The following C1GALT1 variants were observed in gnomAD, a reference collection of about 807,000 sequenced individuals.
The protein encoded by C1GALT1 is core 1 synthase, glycoprotein-N-acetylgalactosamine 3-beta-galactosyltransferase 1.
Under a neutral mutation model 31.0 loss-of-function variants are expected in C1GALT1, and 11 were observed. That is an observed-to-expected ratio of 0.36 (90% CI 0.22 to 0.59). C1GALT1 has a LOEUF of 0.59. Ranked by LOEUF, C1GALT1 falls within the 20% of genes least tolerant of loss-of-function variation. C1GALT1 has a pLI of 0.79. For synonymous variants in C1GALT1, 175 were observed against 143.6 expected (o/e 1.22, Z -1.56); for missense variants, 424 against 425.2 (o/e 1.00, Z 0.03).
chr7:7,228,366 A>G (rs1305524089), intron 1 of C1GALT1, among the ~76,000 whole-genome samples: 1 of 152,166 alleles, frequency 6.6e-6, no homozygotes, highest in African/African-American at 2.4e-5. Context: ...TGTACTTTTA[A>G]AATATCCTCA....
At chr7:7,195,645 G>T (rs1781252504) in intron 1 of C1GALT1, among the ~76,000 whole-genome samples, 1 of 142,786 alleles carries the variant, frequency 7.0e-6, no homozygotes, top group African/African-American at 2.8e-5. Flanking sequence ...TGTATATTCT[G>T]TAGTTGTTGG....
intron 2 of C1GALT1, among the ~76,000 whole-genome samples, chr7:7,164,769 AGTT>A (rs1252137940): frequency 6.6e-6 from 1 of 152,224 alleles, no homozygotes; most frequent in East Asian, 1.9e-4. Flanking sequence ...CATGGCTTTA[AGTT>A]GTTTGCACCT....
intron 2 of C1GALT1, among the ~76,000 whole-genome samples, chr7:7,168,519 A>G (rs1780421120): frequency 6.6e-6 from 1 of 152,190 alleles, no homozygotes; most frequent in African/African-American, 2.4e-5. Flanking sequence ...CAACAAACCT[A>G]ATAGGTATAG....
intron 1 of C1GALT1, among the ~76,000 whole-genome samples, chr7:7,205,134 A>T (rs1781683054): frequency 6.6e-6 from 1 of 152,068 alleles, no homozygotes; most frequent in Admixed American, 6.6e-5. Context: ...CTGTTATCAT[A>T]GAACTATTTC....
intron 1 of C1GALT1, among the ~76,000 whole-genome samples, chr7:7,184,427 A>T (rs995686727): frequency 1.2e-4 from 18 of 152,190 alleles, no homozygotes; most frequent in African/African-American, 4.3e-4. Flanking sequence ...TTTCATAATT[A>T]TGCTTTTTAA....
intron 1 of C1GALT1, among the ~76,000 whole-genome samples, chr7:7,232,166 C>T (rs998760987): frequency 3.3e-5 from 5 of 152,216 alleles, no homozygotes; most frequent in African/African-American, 1.2e-4. Context: ...TTTGGCCCTA[C>T]TAATTCTCAC....
chr7:7,206,973 CT>C (rs1781766440), intron 1 of C1GALT1, among the ~76,000 whole-genome samples: 1 of 151,992 alleles, frequency 6.6e-6, no homozygotes, highest in Non-Finnish European at 1.5e-5. Flanking sequence ...TCTTTTTCAG[CT>C]TCTTAGATGT....
intron 1 of C1GALT1, among the ~76,000 whole-genome samples, chr7:7,233,450 C>G (rs1289976784): frequency 6.6e-6 from 1 of 152,130 alleles, no homozygotes; most frequent in East Asian, 1.9e-4. Context: ...GCATATGCCA[C>G]CATGCCCAGC....
chr7:7,180,438 A>C (rs978409796), upstream of C1GALT1, among the ~76,000 whole-genome samples: 40 of 152,226 alleles, frequency 2.6e-4, no homozygotes, highest in African/African-American at 9.4e-4. Context: ...AATCAATAGA[A>C]TACTGGTTGG....
At chr7:7,214,809 G>A (rs1782158665) in intron 1 of C1GALT1, among the ~76,000 whole-genome samples, 1 of 152,172 alleles carries the variant, frequency 6.6e-6, no homozygotes, top group Non-Finnish European at 1.5e-5. Flanking sequence ...GATGATAATA[G>A]CCACTTCCCA....
upstream of C1GALT1, among the ~76,000 whole-genome samples, chr7:7,178,621 T>C (rs1447167042): frequency 6.6e-6 from 1 of 152,198 alleles, no homozygotes; most frequent in African/African-American, 2.4e-5. Flanking sequence ...TCACACTACA[T>C]CTCTCTATAA....
At position 7,243,660 on chromosome 7, in the gene C1GALT1, G is replaced by A. The variant is rs777844760; in HGVS notation, c.1025G>A (p.Arg342His). Reference protein sequence around the residue: ...LYRYQPTLPERILKEISQANK... With the variant: ...LYRYQPTLPEHILKEISQANK... The stretch of plus-strand genomic sequence containing the variant: ...AGATATCAACCTACCTTACCTGAAC[G>A]TATACTAAAGGAAATTAGTCAAGCA... Residue 342 changes from arginine (R) to histidine (H), a missense_variant, in exon 4 of 4, where the codon CGT becomes CAT. Transcript: ENST00000436587. 71 of 1,608,006 alleles carry A rather than the reference G, an allele frequency of 4.4e-5. No individual in the cohort carries two copies. The highest frequency in any genetic ancestry group is 5.8e-5 in the Non-Finnish European group (68 of 1,178,316).
At chr7:7,159,756 C>T (rs1780314451) in intron 2 of C1GALT1, among the ~76,000 whole-genome samples, 1 of 152,076 alleles carries the variant, frequency 6.6e-6, no homozygotes, top group East Asian at 1.9e-4. Context: ...TCTCTGTCTC[C>T]ATGTAAGCTA....
intron 1 of C1GALT1, among the ~76,000 whole-genome samples, chr7:7,219,599 G>A (rs112121930): frequency 0.039 from 5,965 of 152,192 alleles, 215 homozygotes; most frequent in African/African-American, 0.1. Context: ...ACTATTTGGA[G>A]ATTCTCACTA....
intron 3 of C1GALT1, among the ~76,000 whole-genome samples, chr7:7,240,932 G>T (rs1191364617): frequency 6.6e-6 from 1 of 151,796 alleles, no homozygotes; most frequent in African/African-American, 2.4e-5. Flanking sequence ...TAGCAAGTCA[G>T]GGTAAAAGAT....
At chr7:7,235,858 A>G (rs1014794572) in intron 2 of C1GALT1, among the ~76,000 whole-genome samples, 1 of 152,170 alleles carries the variant, frequency 6.6e-6, no homozygotes, top group African/African-American at 2.4e-5. Context: ...TCGATTTGTC[A>G]GTACATTCTA....
In C1GALT1 at chr7:7,243,735, T is replaced by C; in HGVS notation, c.*8T>C. ...AAGTTAGGAAATCCTTGAAAGAAAA[T>C]CATGAATGAACAAAGGTAATATGTC... is the stretch of plus-strand genomic sequence containing the variant. On this transcript the variant is annotated 3_prime_UTR_variant, in exon 4 of 4. Coordinates refer to ENST00000436587, the MANE Select transcript of C1GALT1 (RefSeq NM_020156.5). 1.3e-6 allele frequency: 2 copies of C among 1,579,208 alleles called. No individual in the cohort carries two copies. Among genetic ancestry groups the C allele is most frequent in the Non-Finnish European group, 1.7e-6 (2 of 1,159,496 alleles).
At chr7:7,221,815 C>T (rs1483069012) in intron 1 of C1GALT1, among the ~76,000 whole-genome samples, 4 of 152,204 alleles carry the variant, frequency 2.6e-5, no homozygotes, top group Admixed American at 6.5e-5. Context: ...CAACATCTAG[C>T]TCCTAAGGCT....
At chr7:7,205,360 A>G (rs920419602) in intron 1 of C1GALT1, among the ~76,000 whole-genome samples, 4 of 152,182 alleles carry the variant, frequency 2.6e-5, no homozygotes, top group African/African-American at 9.7e-5. Flanking sequence ...CACATTTTAT[A>G]TATGTATTAT....
Sources: allele counts gnomAD v4.1 joint callset (sites outside exome capture counted in the v4.1 genomes callset), GRCh38; gene constraint gnomAD v4.1.1; transcripts MANE v1.5; gene names NCBI Gene and HGNC (gene_info 2026-07-23, HGNC 2026-07-21).